RUNDC1: variants seen among roughly 807,000 people sequenced by gnomAD.
RUNDC1 encodes the protein RUN domain-containing protein 1.
A neutral mutation model predicts 49.3 loss-of-function variants in RUNDC1; 31 were observed. The ratio of observed to expected loss-of-function variants is 0.63; its 90% CI spans 0.47 to 0.85. The LOEUF is 0.85. Among genes scored for constraint, RUNDC1 ranks in the 40% least tolerant of loss-of-function variants. The probability of loss-of-function intolerance (pLI) is 0.00; values close to 1 mark genes in which losing one functional copy is unlikely to be tolerated. For synonymous variants in RUNDC1, 347 were observed against 348.6 expected (o/e 1.00, Z 0.05); for missense variants, 715 against 806.7 (o/e 0.89, Z 1.38).
At chr17:42,986,647 G>C (rs530783219) in intron 1 of RUNDC1, among the ~76,000 whole-genome samples, 1 of 151,982 alleles carries the variant, frequency 6.6e-6, no homozygotes, top group Non-Finnish European at 1.5e-5. Flanking sequence ...ACAGGCGCCC[G>C]CCACCACACC....
chr17:42,987,498 C>T, intron 2 of RUNDC1, 84 bp downstream of exon 2: 1 of 1,363,310 alleles, frequency 7.3e-7, no homozygotes, highest in South Asian at 1.2e-5. Context: ...TCTCTCAGCT[C>T]AGTTCTCCTT....
chr17:42,993,392 A>T lies in RUNDC1; in HGVS notation c.*1676A>T, dbSNP rs971151763. ...GATTCAGCATTGTTTTCATGTCTTAAAATTGCCACCTGCACTTTGTTTCTG... is the reference window on the plus strand; with the variant it reads ...GATTCAGCATTGTTTTCATGTCTTATAATTGCCACCTGCACTTTGTTTCTG... On this transcript the variant is annotated 3_prime_UTR_variant, in exon 5 of 5. Coordinates refer to ENST00000361677, the MANE Select transcript of RUNDC1 (RefSeq NM_173079.5). The T allele has an allele frequency of 3.9e-5, 6 of 152,228 alleles. No homozygotes were observed. The highest frequency in any genetic ancestry group is 3.8e-4 in the East Asian group (2 of 5,200). 9.4% of individuals were successfully genotyped at this position (152,228 alleles called of 1,614,324 possible).
At chr17:42,983,216 TAAA>T (rs60468535) in intron 1 of RUNDC1, among the ~76,000 whole-genome samples, 2 of 130,570 alleles carry the variant, frequency 1.5e-5, no homozygotes, top group South Asian at 2.4e-4. Context: ...TGTACCACCT[TAAA>T]AAAAAAAAAA....
chr17:42,993,460 C>T lies in RUNDC1; in HGVS notation c.*1744C>T, dbSNP rs1314714065. 2.0e-5 allele frequency: 3 copies of T among 152,178 alleles called. No homozygotes were observed. The highest frequency in any genetic ancestry group is 1.3e-4 in the Admixed American group (2 of 15,268). 9.4% of individuals were successfully genotyped at this position (152,178 alleles called of 1,614,324 possible). ...TTTTAACTTAAATTTTTTCCAGCAACATGTTACTTATTTAAGATACATTAC... is the reference window on the plus strand; with the variant it reads ...TTTTAACTTAAATTTTTTCCAGCAATATGTTACTTATTTAAGATACATTAC... On this transcript the variant is annotated 3_prime_UTR_variant, in exon 5 of 5. Coordinates refer to ENST00000361677, the MANE Select transcript of RUNDC1 (RefSeq NM_173079.5).
rs897973408 is a variant in RUNDC1 at position 42,981,954 on chromosome 17, T to C, written c.498+880T>C. 5.7e-4 allele frequency: 86 copies of C among 150,598 alleles called. 1 individual carries two copies. The highest frequency in any genetic ancestry group is 5.4e-3 in the Admixed American group (82 of 15,048). 9.3% of individuals were successfully genotyped at this position (150,598 alleles called of 1,614,324 possible). On this transcript the variant is annotated intron_variant, in intron 1 of 4. Transcript: ENST00000361677. ...GCATCTCTGGAAGTGCACAAAGTGCTGGCTTTATTGGAAGTGTTGAGGTAC... is the reference window on the plus strand; with the variant it reads ...GCATCTCTGGAAGTGCACAAAGTGCCGGCTTTATTGGAAGTGTTGAGGTAC...
chr17:42,985,116 A>G (rs1250206785), intron 1 of RUNDC1, among the ~76,000 whole-genome samples: 1 of 151,428 alleles, frequency 6.6e-6, no homozygotes. Flanking sequence ...CGAACTCCTG[A>G]CCTCAGGTGA....
In RUNDC1 at chr17:42,990,831, C is replaced by T. The variant is rs1433392459; in HGVS notation, c.977-20C>T. On this transcript the variant is annotated intron_variant, in intron 4 of 4. Transcript: ENST00000361677. ...GCCATCATGGCCTCTCACTGATGAG[C>T]CACTGTCTTTTCTAAGCAGCAAAGG... The T allele has an allele frequency of 6.4e-7, 1 of 1,564,236 alleles. No homozygotes were observed. The highest frequency in any genetic ancestry group is 1.2e-5 in the South Asian group (1 of 83,850).
chr17:42,990,838 CTTT>C lies in RUNDC1; in HGVS notation c.977-11_977-9del. The stretch of plus-strand genomic sequence containing the variant: ...TGGCCTCTCACTGATGAGCCACTGT[CTTT>C]TCTAAGCAGCAAAGGCAGAGGATGT... On this transcript the variant is annotated splice_polypyrimidine_tract_variant and intron_variant, in intron 4 of 4. Transcript: ENST00000361677. 6.4e-7 allele frequency: 1 copy of C among 1,570,642 alleles called. No homozygotes were observed.
rs1205321626 is a variant in RUNDC1 at position 42,994,589 on chromosome 17, A to G, written c.*2873A>G. Among the ~76,000 whole-genome samples the G allele has an allele frequency of 1.3e-5, 2 of 152,078 alleles. No homozygotes were observed. Among genetic ancestry groups the G allele is most frequent in the African/African-American group, 4.8e-5 (2 of 41,404 alleles). The stretch of plus-strand genomic sequence containing the variant: ...TCCTCCCCTCACTTTGGGGAGGAGA[A>G]GGTATTTTCTACACAACTGCCAGAA... On this transcript the variant is annotated 3_prime_UTR_variant, in exon 5 of 5. Coordinates refer to ENST00000361677, the MANE Select transcript of RUNDC1 (RefSeq NM_173079.5).
At chr17:42,984,889 C>CTTTTTTTTTTTTTTTTTTTTTTTTT (rs56228523) in intron 1 of RUNDC1, among the ~76,000 whole-genome samples, 4 of 65,346 alleles carry the variant, frequency 6.1e-5, no homozygotes, top group Non-Finnish European at 8.3e-5. Context: ...TTCTTTCTTT[C>CTTTTTTTTTTTTTTTTTTTTTTTTT]TTTTTTTTTT....
At chr17:42,984,994 C>T (rs147433679) in intron 1 of RUNDC1, among the ~76,000 whole-genome samples, 384 of 140,348 alleles carry the variant, frequency 2.7e-3, no homozygotes, top group African/African-American at 9.7e-3. Flanking sequence ...CTCCTGGGTT[C>T]AAGCCATTCT....
At chr17:42,982,049 A>G (rs1468679827) in intron 1 of RUNDC1, 3 of 132,030 alleles carry the variant, frequency 2.3e-5, no homozygotes, top group African/African-American at 8.8e-5. Context: ...GCATTGGCGC[A>G]ATTTCTGCTT....
chr17:42,984,461 A>C (rs1952645611), intron 1 of RUNDC1, among the ~76,000 whole-genome samples: 1 of 152,016 alleles, frequency 6.6e-6, no homozygotes, highest in Non-Finnish European at 1.5e-5. Flanking sequence ...TTGTATTTTG[A>C]GTAGAGACAG....
Position 42,990,884 on chromosome 17 carries a change from C to T in RUNDC1, c.1010C>T (p.Thr337Met), listed in dbSNP as rs765805859. Residue 337 changes from threonine (T) to methionine (M), a missense_variant, in exon 5 of 5, where the codon ACG (threonine) becomes ATG (methionine). This residue lies in a region of RUNDC1 where 425 missense variants were observed against 499.7 expected (regional missense o/e 0.85). Coordinates refer to ENST00000361677, the MANE Select transcript of RUNDC1 (RefSeq NM_173079.5). ...KAEDVKKVRETGLHLMRRALA... is the reference protein window; with the variant it reads ...KAEDVKKVREMGLHLMRRALA... Reference sequence around the variant, plus strand: ...GAGGATGTGAAGAAAGTCCGGGAGACGGGGCTGCACCTGATGCGGCGAGCG... The same window carrying T: ...GAGGATGTGAAGAAAGTCCGGGAGATGGGGCTGCACCTGATGCGGCGAGCG... The T allele has an allele frequency of 1.4e-5, 22 of 1,603,520 alleles. No homozygotes were observed. Among genetic ancestry groups the T allele is most frequent in the Middle Eastern group, 1.7e-4 (1 of 6,040 alleles).
intron 4 of RUNDC1, among the ~76,000 whole-genome samples, 183 bp downstream of exon 4, chr17:42,990,619 C>A (rs986255259): frequency 6.6e-6 from 1 of 152,176 alleles, no homozygotes; most frequent in African/African-American, 2.4e-5. Context: ...TCTGAATATA[C>A]TAAAAACCAC....
intron 1 of RUNDC1, among the ~76,000 whole-genome samples, chr17:42,984,168 G>A (rs544589132): frequency 5.3e-5 from 8 of 151,806 alleles, no homozygotes; most frequent in African/African-American, 1.9e-4. Context: ...TAGAGGTGGG[G>A]CTCTCCCTAT....
chr17:42,989,289 C>CCAAAAATTCCTCTCCCTAAAAATT, intron 2 of RUNDC1, 52 bp from the exon 3 acceptor site: 1 of 1,370,676 alleles, frequency 7.3e-7, no homozygotes, highest in South Asian at 1.2e-5. Flanking sequence ...TCCTTCCTAA[C>CCAAAAATTCCTCTCCCTAAAAATT]CCTCTCCCTA....
At chr17:42,984,889 C>CTTTTTTTTTTTTTTT (rs56228523) in intron 1 of RUNDC1, among the ~76,000 whole-genome samples, 2 of 65,348 alleles carry the variant, frequency 3.1e-5, no homozygotes, top group African/African-American at 1.2e-4. Flanking sequence ...TTCTTTCTTT[C>CTTTTTTTTTTTTTTT]TTTTTTTTTT....
chr17:42,990,791 T>G (rs1432726619), intron 4 of RUNDC1, 60 bp from the exon 5 acceptor site: 15 of 1,516,386 alleles, frequency 9.9e-6, no homozygotes, highest in Non-Finnish European at 1.2e-5. Context: ...TGTGATTTGT[T>G]GAGTGTAGCT....
Sources: gnomAD v4.1 joint callset for allele counts (sites outside exome capture counted in the v4.1 genomes callset) on GRCh38, gnomAD v4.1.1 for gene constraint, gnomAD v4.1.1 regional missense constraint, MANE v1.5 for transcripts, NCBI Gene and HGNC (gene_info 2026-07-23, HGNC 2026-07-21) for gene names.